Variants in FBXL4 observed in about 807,000 individuals in gnomAD.
FBXL4 encodes F-box/LRR-repeat protein 4.
A neutral mutation model predicts 58.9 loss-of-function variants in FBXL4; 40 were observed. That is an observed-to-expected ratio of 0.68 (90% CI 0.53 to 0.88). The LOEUF (loss-of-function observed/expected upper bound fraction) is 0.88. FBXL4 is among the 40% of genes least tolerant of loss of function. The pLI, the probability that FBXL4 is intolerant of heterozygous loss-of-function variation, is 0.00. For missense variants in FBXL4, 676 were observed against 734.4 expected (o/e 0.92, Z 0.92); for synonymous variants, 263 against 265.5 (o/e 0.99, Z 0.09).
chr6:98,886,285 TGAGAGA>T (rs141914139), intron 7 of FBXL4, among the ~76,000 whole-genome samples: 3 of 149,652 alleles, frequency 2.0e-5, no homozygotes, highest in South Asian at 2.1e-4. Context: ...TAGGAGTAAA[TGAGAGA>T]GAGAGAGAGA....
At chr6:98,945,169 A>C (rs930897772) in intron 1 of FBXL4, among the ~76,000 whole-genome samples, 1 of 152,250 alleles carries the variant, frequency 6.6e-6, no homozygotes, top group Non-Finnish European at 1.5e-5. Context: ...TTAGGAAATG[A>C]ACTAACATGC....
chr6:98,926,566 A>G lies in FBXL4; in HGVS notation c.423T>C (p.His141=). The change falls in exon 4 of 10, where the codon CAT becomes CAC. Residue 141 remains histidine, a synonymous_variant. Coordinates refer to ENST00000369244, the MANE Select transcript of FBXL4 (RefSeq NM_001278716.2). The part of the protein sequence containing the change: ...FEQQVYPTAV[H]VLETYHPGAV... ...CTCCGGGATGATAGGTTTCTAGAAC[A>G]TGTACAGCTGTAGGATACACCTGTT... 2 of 1,614,212 alleles carry G rather than the reference A, an allele frequency of 1.2e-6. No homozygotes were observed. Among genetic ancestry groups the G allele is most frequent in the South Asian group, 1.1e-5 (1 of 91,090 alleles).
chr6:98,891,519 A>G (rs1771224904), intron 7 of FBXL4, among the ~76,000 whole-genome samples: 1 of 152,140 alleles, frequency 6.6e-6, no homozygotes, highest in African/African-American at 2.4e-5. Context: ...ATATAGTCGA[A>G]TACATCTTTC....
chr6:98,911,789 G>A (rs549228008), intron 5 of FBXL4, among the ~76,000 whole-genome samples: 3 of 152,198 alleles, frequency 2.0e-5, no homozygotes, highest in Admixed American at 6.5e-5. Flanking sequence ...CCAAAGGAAC[G>A]CAGTTCCTCA....
chr6:98,880,422 A>G (rs1465139522), intron 8 of FBXL4, 131 bp downstream of exon 8: 1 of 683,644 alleles, frequency 1.5e-6, no homozygotes, highest in Non-Finnish European at 2.5e-6. Flanking sequence ...AAAGCAAGGG[A>G]CAAAGAAGAG....
chr6:98,891,204 C>A (rs1049763417), intron 7 of FBXL4, among the ~76,000 whole-genome samples: 2 of 152,056 alleles, frequency 1.3e-5, no homozygotes, highest in Non-Finnish European at 2.9e-5. Context: ...TGACAGATCT[C>A]TAAAAAGAAA....
chr6:98,919,986 T>C (rs1772518120), intron 4 of FBXL4, among the ~76,000 whole-genome samples: 1 of 152,146 alleles, frequency 6.6e-6, no homozygotes, highest in Non-Finnish European at 1.5e-5. Flanking sequence ...CTTTGTTGTT[T>C]AGTTTCAATG....
rs1772778205 is a variant in FBXL4 at position 98,926,350 on chromosome 6, A to C, written c.512+127T>G. On this transcript the variant is annotated intron_variant, in intron 4 of 9. Transcript: ENST00000369244. The stretch of plus-strand genomic sequence containing the variant: ...ATCTCTCTTCCCCATCAGAAAACTA[A>C]GGAAAATTTTCAAAATCAAATTCAA... 3.0e-6 allele frequency: 3 copies of C among 990,994 alleles called. No individual in the cohort carries two copies. The African/African-American group carries it at 4.9e-5, about 16-fold the overall frequency. The allele number at this position is 990,994 out of a possible 1,614,324, so 61.4% of individuals were successfully genotyped here.
intron 7 of FBXL4, among the ~76,000 whole-genome samples, chr6:98,881,599 A>G (rs1770855160): frequency 1.3e-5 from 2 of 152,136 alleles, no homozygotes; most frequent in Admixed American, 1.3e-4. Context: ...CAAATCCCAG[A>G]TAAAGATTCT....
intron 7 of FBXL4, among the ~76,000 whole-genome samples, chr6:98,888,094 A>C (rs1771100295): frequency 6.6e-6 from 1 of 152,246 alleles, no homozygotes; most frequent in African/African-American, 2.4e-5. Flanking sequence ...ACTACGGAGA[A>C]ATTAACTCTT....
intron 7 of FBXL4, among the ~76,000 whole-genome samples, chr6:98,881,136 G>A (rs758841660): frequency 2.1e-4 from 32 of 152,112 alleles, no homozygotes; most frequent in African/African-American, 7.7e-4. Context: ...TAATGTCAAA[G>A]GATTCTCTTT....
At chr6:98,941,219 C>T (rs1773420230) in intron 1 of FBXL4, among the ~76,000 whole-genome samples, 1 of 149,202 alleles carries the variant, frequency 6.7e-6, no homozygotes, top group South Asian at 2.2e-4. Flanking sequence ...CAATGAGTTA[C>T]TACTCAGGAA....
intron 7 of FBXL4, among the ~76,000 whole-genome samples, chr6:98,880,895 A>T (rs1770828908): frequency 6.6e-6 from 1 of 152,012 alleles, no homozygotes; most frequent in South Asian, 2.1e-4. Context: ...ATTCCCTATG[A>T]CCTCTCGGTT....
chr6:98,929,909 G>A lies in FBXL4; in HGVS notation c.-190-2087C>T, dbSNP rs79712001. On this transcript the variant is annotated intron_variant, in intron 2 of 9. Coordinates refer to ENST00000369244, the MANE Select transcript of FBXL4 (RefSeq NM_001278716.2). Reference sequence around the variant, plus strand: ...AGGAAATCAGAACCATATGAGGCATGAACCATGCATAGAGTGTGGGCCTAA... The same window carrying A: ...AGGAAATCAGAACCATATGAGGCATAAACCATGCATAGAGTGTGGGCCTAA... 7.6e-3 allele frequency among the ~76,000 whole-genome samples: 1,155 copies of A among 152,290 alleles called. 10 individuals are homozygous for A. The highest frequency in any genetic ancestry group is 0.012 in the Non-Finnish European group (838 of 68,028).
chr6:98,917,594 A>T lies in FBXL4; in HGVS notation c.638T>A (p.Leu213His). Residue 213 changes from leucine (L) to histidine (H), a missense_variant, in exon 5 of 10, where the codon CTT (leucine) becomes CAT (histidine). Physicochemically the swap from Leu to His is moderately conservative, Grantham distance 99. Coordinates refer to ENST00000369244, the MANE Select transcript of FBXL4 (RefSeq NM_001278716.2). ...NLIRLEVNSS[L>H]LEYYTELDAV... ...ATCTAATTCAGTGTAATATTCCAGA[A>T]GAGAACTATTTACTTCCAGTCGTAT... The T allele has an allele frequency of 6.2e-7, 1 of 1,614,026 alleles. No individual in the cohort carries two copies. Among genetic ancestry groups the T allele is most frequent in the Non-Finnish European group, 8.5e-7 (1 of 1,179,902 alleles).
At chr6:98,907,336 T>A (rs565116801) in intron 5 of FBXL4, among the ~76,000 whole-genome samples, 2 of 152,254 alleles carry the variant, frequency 1.3e-5, no homozygotes, top group East Asian at 1.9e-4. Flanking sequence ...AGAAAGATCA[T>A]TGTGGGCGTG....
chr6:98,943,505 G>C (rs929903625), intron 1 of FBXL4, among the ~76,000 whole-genome samples: 1 of 150,018 alleles, frequency 6.7e-6, no homozygotes, highest in African/African-American at 2.5e-5. Context: ...TCCAGGAGAT[G>C]GAGGTTGCAG....
At chr6:98,876,996 A>AT (rs1179103369) in intron 8 of FBXL4, among the ~76,000 whole-genome samples, 1 of 152,196 alleles carries the variant, frequency 6.6e-6, no homozygotes, top group Non-Finnish European at 1.5e-5. Flanking sequence ...GGATGGGCCT[A>AT]TAGTGGGGAG....
At chr6:98,924,454 G>T (rs1163407556) in intron 4 of FBXL4, among the ~76,000 whole-genome samples, 1 of 152,116 alleles carries the variant, frequency 6.6e-6, no homozygotes, top group Non-Finnish European at 1.5e-5. Context: ...CCGCTCAGGT[G>T]GCTGAGGCAG....
Sources: allele counts gnomAD v4.1 joint callset (sites outside exome capture counted in the v4.1 genomes callset), GRCh38; gene constraint gnomAD v4.1.1; transcripts MANE v1.5; gene names NCBI Gene and HGNC (gene_info 2026-07-23, HGNC 2026-07-21).